NHSL3: variants seen among roughly 807,000 people sequenced by gnomAD.
The protein encoded by NHSL3 is NHS like 3.
chr1:32,770,810 G>T, the NHSL3 span: 1 of 1,598,400 alleles, frequency 6.3e-7, no homozygotes, highest in Non-Finnish European at 8.5e-7. This position sits in a 1 kb window ranked among gnomAD's most constrained non-coding sequence, Gnocchi z 8.3. Context: ...GGCTCAGAAG[G>T]GGCGGGGGCA....
chr1:32,749,267 TATCTGGGGTTCCGTGGG>T, the NHSL3 span, among the ~76,000 whole-genome samples: 1 of 152,286 alleles, frequency 6.6e-6, no homozygotes, highest in South Asian at 2.1e-4. Context: ...ACCAGCTGGC[TATCTGGGGTTCCGTGGG>T]ATCCAGGGAT....
chr1:32,755,834 CCT>C, the NHSL3 span, among the ~76,000 whole-genome samples: 1 of 152,302 alleles, frequency 6.6e-6, no homozygotes, highest in African/African-American at 2.4e-5. Context: ...TCCTGAAAGC[CCT>C]GTCTGTGCCT....
the NHSL3 span, among the ~76,000 whole-genome samples, chr1:32,743,204 G>A: frequency 6.6e-6 from 1 of 152,218 alleles, no homozygotes; most frequent in African/African-American, 2.4e-5. Context: ...CTGCTGCAGT[G>A]CTGGAGGTGA....
the NHSL3 span, chr1:32,772,951 G>C: frequency 6.5e-7 from 1 of 1,531,208 alleles, no homozygotes; most frequent in Non-Finnish European, 9.1e-7. Context: ...GACCCGAGCA[G>C]CTCCAAGGAC....
At chr1:32,751,800 G>T in the NHSL3 span, among the ~76,000 whole-genome samples, 1 of 152,262 alleles carries the variant, frequency 6.6e-6, no homozygotes, top group African/African-American at 2.4e-5. Flanking sequence ...TTGTGTGGTT[G>T]TAGCTCTGAG....
the NHSL3 span, chr1:32,768,855 T>C: frequency 4.0e-6 from 6 of 1,516,448 alleles, no homozygotes; most frequent in Non-Finnish European, 5.4e-6. Context: ...CCTTATCCAG[T>C]GTTTCACCAG....
chr1:32,772,903 C>G, the NHSL3 span: 10 of 1,613,790 alleles, frequency 6.2e-6, no homozygotes, highest in Non-Finnish European at 8.5e-6. Context: ...AGGCACCTCA[C>G]TGGCACTGCT....
the NHSL3 span, chr1:32,767,705 T>A: frequency 1.6e-6 from 2 of 1,259,658 alleles, no homozygotes; most frequent in Non-Finnish European, 2.2e-6. Flanking sequence ...CTGGGGACCA[T>A]GACTGCCCTT....
the NHSL3 span, among the ~76,000 whole-genome samples, chr1:32,758,096 G>A: frequency 6.6e-6 from 1 of 152,190 alleles, no homozygotes. Context: ...GGTGTATGAG[G>A]TGAGGCCTCC....
the NHSL3 span, among the ~76,000 whole-genome samples, chr1:32,744,792 C>T: frequency 6.6e-6 from 1 of 152,134 alleles, no homozygotes; most frequent in Non-Finnish European, 1.5e-5. Context: ...GGGCTGTGAC[C>T]TTTCTGTCTC....
At chr1:32,742,335 C>A in the NHSL3 span, 2 of 779,424 alleles carry the variant, frequency 2.6e-6, no homozygotes, top group Non-Finnish European at 3.5e-6. Context: ...GGGCTGAGTC[C>A]GAACACTTCC....
the NHSL3 span, chr1:32,754,006 G>C: frequency 4.5e-6 from 2 of 447,440 alleles, no homozygotes; most frequent in Non-Finnish European, 8.1e-6. Flanking sequence ...CGCGAGTCTC[G>C]CTGCCTCCCT....
chr1:32,756,470 A>ACCT, the NHSL3 span, among the ~76,000 whole-genome samples: 1 of 50,490 alleles, frequency 2.0e-5, no homozygotes. Flanking sequence ...ACATGACGAG[A>ACCT]CCCCCCCCCC....
chr1:32,765,708 C>G, the NHSL3 span: 1 of 1,542,994 alleles, frequency 6.5e-7, no homozygotes, highest in Non-Finnish European at 8.7e-7. Flanking sequence ...GAAGGTACGC[C>G]CCGCGCTCTG....
At chr1:32,772,047 T>G in the NHSL3 span, 4 of 1,608,594 alleles carry the variant, frequency 2.5e-6, no homozygotes, top group Non-Finnish European at 3.4e-6. Flanking sequence ...ACGGACCGCC[T>G]GAGGCAGAGC....
the NHSL3 span, among the ~76,000 whole-genome samples, chr1:32,755,108 G>A: frequency 6.6e-6 from 1 of 152,244 alleles, no homozygotes; most frequent in Admixed American, 6.5e-5. Context: ...TGGGATTCCT[G>A]TTTCCCCCAA....
the NHSL3 span, among the ~76,000 whole-genome samples, chr1:32,743,451 C>G: frequency 6.6e-6 from 1 of 152,144 alleles, no homozygotes; most frequent in Admixed American, 6.5e-5. Context: ...TGGGCCAAAC[C>G]CTGAGGGAGG....
the NHSL3 span, among the ~76,000 whole-genome samples, chr1:32,760,058 A>ACAC: frequency 1.3e-5 from 2 of 152,138 alleles, no homozygotes; most frequent in African/African-American, 2.4e-5. Context: ...TAGAATGTGT[A>ACAC]ATGGTTGGGG....
At chr1:32,748,765 G>T in the NHSL3 span, among the ~76,000 whole-genome samples, 1 of 152,252 alleles carries the variant, frequency 6.6e-6, no homozygotes, top group South Asian at 2.1e-4. Context: ...CTCTGCTATG[G>T]GATACCTCCA....
Sources: gnomAD v4.1 joint callset for allele counts (sites outside exome capture counted in the v4.1 genomes callset) on GRCh38, gnomAD v4.1.1 for gene constraint, Gnocchi (gnomAD v3.1) non-coding constraint, MANE v1.5 for transcripts, NCBI Gene and HGNC (gene_info 2026-07-23, HGNC 2026-07-21) for gene names.